Variants in LRGUK observed in about 807,000 individuals in gnomAD.
The protein encoded by LRGUK is leucine rich repeats and guanylate kinase domain containing, also known as leucine-rich repeat and guanylate kinase domain-containing protein.
In LRGUK, 65 loss-of-function variants were observed where a neutral mutation model predicts 76.0. That is an observed-to-expected ratio of 0.85 (90% confidence interval 0.70 to 1.05). LRGUK has a LOEUF of 1.05. LRGUK is among the 50% of genes least tolerant of loss of function. The pLI, the probability that LRGUK is intolerant of heterozygous loss-of-function variation, is 0.00. For synonymous variants in LRGUK, 268 were observed against 265.6 expected, an observed-to-expected ratio of 1.01 and a Z score of -0.09; for missense variants, 758 against 732.8, an observed-to-expected ratio of 1.03 and a Z score of -0.40.
At chr7:134,191,249 C>T (rs1406634809) in intron 11 of LRGUK, among the ~76,000 whole-genome samples, 2 of 152,082 alleles carry the variant, frequency 1.3e-5, no homozygotes, top group Non-Finnish European at 2.9e-5. Context: ...AAACTGAGTT[C>T]TGAGAAACAA....
chr7:134,220,616 C>A (rs1053251604), intron 15 of LRGUK, among the ~76,000 whole-genome samples: 2 of 150,756 alleles, frequency 1.3e-5, no homozygotes, highest in Non-Finnish European at 3.0e-5. Flanking sequence ...TGTTTTGAGG[C>A]AGGTCTCACT....
intron 18 of LRGUK, among the ~76,000 whole-genome samples, chr7:134,252,964 CAT>C (rs1175030249): frequency 6.6e-6 from 1 of 152,178 alleles, no homozygotes; most frequent in African/African-American, 2.4e-5. Context: ...TCCTAGTAAA[CAT>C]AGATGCCTTC....
chr7:134,258,324 C>T lies in LRGUK; in HGVS notation c.2266C>T (p.Pro756Ser), dbSNP rs529720637. The stretch of plus-strand genomic sequence containing the variant: ...GTTCTGTCCGTGGTCAAAAGAATTG[C>T]CTTTCCAGCCTCCGGAGGGGAGCAT... Residue 756 changes from proline to serine, a missense_variant, in exon 19 of 20, where the codon CCT becomes TCT. Transcript: ENST00000285928. 3.2e-5 allele frequency: 51 copies of T among 1,614,096 alleles called. No individual in the cohort carries two copies. The East Asian group carries it at 1.1e-3, about 35-fold the overall frequency.
chr7:134,159,668 C>T (rs1798639323), intron 6 of LRGUK, among the ~76,000 whole-genome samples: 1 of 152,012 alleles, frequency 6.6e-6, no homozygotes. Context: ...GGTCCCCTGT[C>T]ATCCCAGCTA....
At chr7:134,130,908 A>T (rs1164765946) in intron 1 of LRGUK, among the ~76,000 whole-genome samples, 1 of 152,248 alleles carries the variant, frequency 6.6e-6, no homozygotes, top group Non-Finnish European at 1.5e-5. Flanking sequence ...AATTATAATA[A>T]TACTTAAAGA....
chr7:134,174,801 A>G (rs1466649186), intron 8 of LRGUK, among the ~76,000 whole-genome samples, 165 bp downstream of exon 8: 2 of 152,190 alleles, frequency 1.3e-5, no homozygotes, highest in Admixed American at 6.5e-5. Context: ...AGTAGTACCT[A>G]AAGTGACAAT....
intron 5 of LRGUK, among the ~76,000 whole-genome samples, chr7:134,150,596 C>G (rs534076993): frequency 6.6e-6 from 1 of 151,960 alleles, no homozygotes; most frequent in African/African-American, 2.4e-5. Flanking sequence ...GCTGATGATG[C>G]CATGGCAGTC....
intron 7 of LRGUK, among the ~76,000 whole-genome samples, chr7:134,166,050 G>C (rs1563156450): frequency 6.6e-6 from 1 of 151,624 alleles, no homozygotes; most frequent in Non-Finnish European, 1.5e-5. Flanking sequence ...GCAACCCGCA[G>C]GCTCCCCAAA....
chr7:134,178,414 A>G, intron 9 of LRGUK, 89 bp from the exon 10 acceptor site: 2 of 909,152 alleles, frequency 2.2e-6, no homozygotes, highest in Admixed American at 2.4e-5. Context: ...CTGCACGTGA[A>G]CAACATTTCA....
At chr7:134,154,066 C>T (rs574168025) in intron 5 of LRGUK, among the ~76,000 whole-genome samples, 1 of 152,316 alleles carries the variant, frequency 6.6e-6, no homozygotes, top group East Asian at 1.9e-4. Context: ...TTAAGTGCCA[C>T]AGGGTTCCTT....
At chr7:134,141,834 A>T (rs943980997) in intron 3 of LRGUK, 2 of 152,202 alleles carry the variant, frequency 1.3e-5, no homozygotes, top group African/African-American at 4.8e-5. Flanking sequence ...TGATTTGCTG[A>T]TTCATTTCCA....
chr7:134,246,511 C>G (rs1239405462), intron 16 of LRGUK, among the ~76,000 whole-genome samples: 2 of 152,214 alleles, frequency 1.3e-5, no homozygotes, highest in Admixed American at 1.3e-4. Context: ...ATGCTAGCCC[C>G]CAAGGCTAAG....
chr7:134,190,358 C>T (rs973182068), intron 11 of LRGUK, among the ~76,000 whole-genome samples: 7 of 152,076 alleles, frequency 4.6e-5, no homozygotes, highest in African/African-American at 1.7e-4. Context: ...AGGCACATGC[C>T]ACCACACCTG....
At chr7:134,170,414 G>A (rs1799192125) in intron 7 of LRGUK, among the ~76,000 whole-genome samples, 1 of 151,608 alleles carries the variant, frequency 6.6e-6, no homozygotes, top group South Asian at 2.1e-4. Flanking sequence ...TTATTTTATG[G>A]TACAATTGAA....
chr7:134,254,689 A>G (rs375243985), intron 18 of LRGUK, among the ~76,000 whole-genome samples: 2 of 152,356 alleles, frequency 1.3e-5, no homozygotes, highest in African/African-American at 4.8e-5. Context: ...GGATGCAAAC[A>G]TTCAGACCCT....
At chr7:134,148,906 C>T (rs1307196911) in intron 5 of LRGUK, among the ~76,000 whole-genome samples, 2 of 150,326 alleles carry the variant, frequency 1.3e-5, no homozygotes, top group African/African-American at 4.9e-5. Flanking sequence ...CAGAGTGAGA[C>T]TCTGTCTCAA....
downstream of LRGUK, among the ~76,000 whole-genome samples, chr7:134,269,319 A>G (rs1802917827): frequency 6.7e-6 from 1 of 149,504 alleles, no homozygotes; most frequent in South Asian, 2.1e-4. Flanking sequence ...TTGTGGTCAG[A>G]TCAGAGAACA....
chr7:134,182,980 G>A (rs925064662), intron 10 of LRGUK, among the ~76,000 whole-genome samples: 3 of 152,158 alleles, frequency 2.0e-5, no homozygotes, highest in African/African-American at 4.8e-5. Flanking sequence ...GGCTGGTTTC[G>A]AACTCCTCAC....
At chr7:134,238,374 G>C (rs942243341) in intron 16 of LRGUK, among the ~76,000 whole-genome samples, 4 of 152,062 alleles carry the variant, frequency 2.6e-5, no homozygotes, top group African/African-American at 9.7e-5. Context: ...TGTATGTTGA[G>C]TCTTCTTTAT....
Sources: gnomAD v4.1 joint callset for allele counts (sites outside exome capture counted in the v4.1 genomes callset) on GRCh38, gnomAD v4.1.1 for gene constraint, MANE v1.5 for transcripts, NCBI Gene and HGNC (gene_info 2026-07-23, HGNC 2026-07-21) for gene names.